MADD: variants seen among roughly 807,000 people sequenced by gnomAD.
The protein encoded by MADD is MAP kinase-activating death domain protein.
MADD carries 109 observed loss-of-function variants against 176.7 expected under a neutral mutation model. That is an observed-to-expected ratio of 0.62 (90% CI 0.53 to 0.72). The LOEUF is 0.72. MADD is among the 30% of genes least tolerant of loss of function. MADD has a pLI of 0.00. For synonymous variants in MADD, 771 were observed against 771.3 expected, an observed-to-expected ratio of 1.00 and a Z score of 0.01; for missense variants, 1,914 against 2,045.5, an observed-to-expected ratio of 0.94 and a Z score of 1.24.
chr11:47,290,502 G>C, intron 18 of MADD, 108 bp from the exon 20 acceptor site: 7 of 1,303,990 alleles, frequency 5.4e-6, no homozygotes, highest in Non-Finnish European at 6.4e-6. Flanking sequence ...ATCTTTCCTT[G>C]AACTTCTTCC....
chr11:47,298,060 T>G (rs1182773273), intron 22 of MADD, among the ~76,000 whole-genome samples: 1 of 152,146 alleles, frequency 6.6e-6, no homozygotes, highest in East Asian at 1.9e-4. Context: ...AATGCTGGGA[T>G]TACAGGCATG....
At chr11:47,308,751 AG>A (rs199696795) in intron 23 of MADD, 52 bp downstream of exon 25, 80,977 of 1,429,462 alleles carry the variant, frequency 0.057, 2,858 homozygotes, top group Non-Finnish European at 0.069. Flanking sequence ...TGACTCAGCC[AG>A]GGGAGAGGGT....
intron 22 of MADD, among the ~76,000 whole-genome samples, chr11:47,302,491 C>T (rs1473661773): frequency 1.3e-5 from 2 of 152,344 alleles, no homozygotes; most frequent in East Asian, 3.9e-4. Flanking sequence ...GGATTACAGG[C>T]GTGAGCCACC....
In MADD at chr11:47,325,022, C is replaced by T. The variant is rs117874194; in HGVS notation, c.4542+445C>T. ...TTGCGTGTGCGTGCGTGCGTGCCTGCGTGCTTGTGTGTAAGTAGCTTGTAT... is the reference window on the plus strand; with the variant it reads ...TTGCGTGTGCGTGCGTGCGTGCCTGTGTGCTTGTGTGTAAGTAGCTTGTAT... On this transcript the variant is annotated intron_variant, in intron 30 of 32. Coordinates refer to ENST00000402192, the Ensembl canonical transcript of MADD. The surrounding 1 kb of genome is among the most constrained non-coding windows in gnomAD (Gnocchi z 4.5). 5.7e-3 allele frequency: 2,938 copies of T among 514,386 alleles called. 27 individuals are homozygous for T. Among genetic ancestry groups the T allele is most frequent in the Non-Finnish European group, 6.3e-3 (1,817 of 286,260 alleles). 31.9% of individuals were successfully genotyped at this position (514,386 alleles called of 1,614,324 possible). A position where few individuals can be genotyped will look rare whatever the true frequency, so the allele number is the denominator to read the frequency against.
intron 5 of MADD, 50 bp from the exon 6 acceptor site, chr11:47,278,115 C>T: frequency 8.2e-7 from 1 of 1,225,256 alleles, no homozygotes; most frequent in Non-Finnish European, 1.2e-6. Flanking sequence ...TTGATAAGTG[C>T]TCATGATAGG....
chr11:47,328,258 C>T (rs551184395), intron 31 of MADD: 2 of 1,111,658 alleles, frequency 1.8e-6, no homozygotes, highest in African/African-American at 1.6e-5. Flanking sequence ...AAGTTGGACA[C>T]AAGCTAGAGA....
intron 19 of MADD, 38 bp downstream of exon 20, chr11:47,290,854 G>T: frequency 6.6e-7 from 1 of 1,514,906 alleles, no homozygotes; most frequent in South Asian, 1.2e-5. Context: ...GAGGGGTCCT[G>T]GCTTCTTAAA....
chr11:47,320,930 T>A (rs1307318046), intron 27 of MADD, among the ~76,000 whole-genome samples: 1 of 152,072 alleles, frequency 6.6e-6, no homozygotes, highest in Non-Finnish European at 1.5e-5. Flanking sequence ...CAAAAAATAA[T>A]AATAATAATA....
exon 13 of MADD, chr11:47,285,043 C>A: frequency 6.2e-7 from 1 of 1,614,102 alleles, no homozygotes; most frequent in Non-Finnish European, 8.5e-7. Context: ...CGTGGACAGA[C>A]GTCAGGCAGA....
chr11:47,323,941 TTC>T (rs773542906), intron 28 of MADD, 106 bp downstream of exon 31: 49 of 1,259,802 alleles, frequency 3.9e-5, no homozygotes, highest in Non-Finnish European at 5.0e-5. Flanking sequence ...GGAGCCACAC[TTC>T]TGTCTCCAGC....
chr11:47,315,047 A>G (rs915716627), intron 26 of MADD, among the ~76,000 whole-genome samples, 173 bp from the exon 30 acceptor site: 2 of 152,230 alleles, frequency 1.3e-5, no homozygotes, highest in East Asian at 1.9e-4. Context: ...TTTAAGAGAT[A>G]TAGGGCCTCT....
chr11:47,308,830 C>T, intron 23 of MADD, 131 bp downstream of exon 25: 4 of 1,025,636 alleles, frequency 3.9e-6, no homozygotes, highest in Non-Finnish European at 6.0e-6. Flanking sequence ...CAGTTTTATA[C>T]CTGAAGCAAG....
intron 28 of MADD, 73 bp from the exon 32 acceptor site, chr11:47,324,192 G>A: frequency 7.4e-7 from 1 of 1,359,336 alleles, no homozygotes; most frequent in Non-Finnish European, 1.0e-6. Context: ...AGCCTTCAGT[G>A]GCCATTATAG....
intron 22 of MADD, among the ~76,000 whole-genome samples, chr11:47,303,023 TTCC>T (rs1186683581): frequency 2.0e-5 from 3 of 152,192 alleles, no homozygotes; most frequent in Non-Finnish European, 2.9e-5. Context: ...GTGTGATGAC[TTCC>T]TCATTTTTTT....
intron 1 of MADD, chr11:47,272,379 CTACTCAT>C (rs1965554279): frequency 6.6e-6 from 1 of 152,146 alleles, no homozygotes; most frequent in Non-Finnish European, 1.5e-5. Flanking sequence ...GAAAAAACTT[CTACTCAT>C]TACCTAAACC....
exon 22 of MADD, chr11:47,296,002 G>T: frequency 6.2e-7 from 1 of 1,614,096 alleles, no homozygotes; most frequent in Non-Finnish European, 8.5e-7. Context: ...AAGCTCTCGG[G>T]GCACTTTGTC....
chr11:47,329,909 C>T (rs577477106), exon 33 of MADD: 3 of 152,736 alleles, frequency 2.0e-5, no homozygotes, highest in South Asian at 2.1e-4. Flanking sequence ...TCTCCAGGCA[C>T]GGGGTGTCAG....
chr11:47,327,866 A>C, intron 31 of MADD: 4 of 985,382 alleles, frequency 4.1e-6, no homozygotes, highest in Non-Finnish European at 3.6e-6. Flanking sequence ...ATGGTGGCTG[A>C]GCCTGGGGGG....
chr11:47,311,419 G>A (rs2089043423), intron 25 of MADD, among the ~76,000 whole-genome samples: 2 of 152,178 alleles, frequency 1.3e-5, no homozygotes, highest in Non-Finnish European at 2.9e-5. Context: ...GAAGAGCCTT[G>A]GGTGTTTTTA....
Sources: allele counts gnomAD v4.1 joint callset (sites outside exome capture counted in the v4.1 genomes callset), GRCh38; gene constraint gnomAD v4.1.1; non-coding constraint Gnocchi (gnomAD v3.1); transcripts MANE v1.5; gene names NCBI Gene and HGNC (gene_info 2026-07-23, HGNC 2026-07-21).